Variants in ZMAT4 observed in about 807,000 individuals in gnomAD.
ZMAT4 encodes zinc finger matrin-type 4.
A neutral mutation model predicts 28.7 loss-of-function variants in ZMAT4; 17 were observed. The observed-to-expected ratio is 0.59, with a 90% CI of 0.41 to 0.89. The LOEUF (loss-of-function observed/expected upper bound fraction) is 0.89. Ranked by LOEUF, ZMAT4 falls within the 40% of genes least tolerant of loss-of-function variation. The pLI, the probability that ZMAT4 is intolerant of heterozygous loss-of-function variation, is 0.00. For synonymous variants in ZMAT4, 117 were observed against 109.2 expected (o/e 1.07, Z -0.44); for missense variants, 240 against 283.8 (o/e 0.85, Z 1.11).
At chr8:40,831,283 G>T (rs1218474927) in intron 1 of ZMAT4, among the ~76,000 whole-genome samples, 1 of 152,244 alleles carries the variant, frequency 6.6e-6, no homozygotes, top group East Asian at 1.9e-4. Context: ...ATCTATTTTT[G>T]TTGTCACAAG....
chr8:40,589,766 C>CTTTCTTTCTT (rs1585723646), intron 5 of ZMAT4, among the ~76,000 whole-genome samples: 11 of 134,688 alleles, frequency 8.2e-5, no homozygotes, highest in African/African-American at 2.2e-4. Context: ...CTTTCTTTTT[C>CTTTCTTTCTT]TTTCTTTCTT....
At chr8:40,592,505 C>T (rs1804931538) in intron 5 of ZMAT4, among the ~76,000 whole-genome samples, 1 of 152,164 alleles carries the variant, frequency 6.6e-6, no homozygotes, top group Non-Finnish European at 1.5e-5. Context: ...ATTTCTAAAA[C>T]AATTATTTCT....
At chr8:40,663,719 A>T (rs1013171617) in intron 5 of ZMAT4, among the ~76,000 whole-genome samples, 1 of 152,148 alleles carries the variant, frequency 6.6e-6, no homozygotes, top group African/African-American at 2.4e-5. Context: ...AATAATGCAA[A>T]AATAACCAGG....
intron 2 of ZMAT4, among the ~76,000 whole-genome samples, chr8:40,823,690 T>G (rs762843228): frequency 1.3e-5 from 2 of 151,788 alleles, no homozygotes; most frequent in Non-Finnish European, 2.9e-5. Flanking sequence ...CACATATACA[T>G]ATACACACAC....
At chr8:40,558,939 T>C (rs1585682837) in intron 6 of ZMAT4, among the ~76,000 whole-genome samples, 1 of 152,242 alleles carries the variant, frequency 6.6e-6, no homozygotes, top group Non-Finnish European at 1.5e-5. Context: ...GGCAATAAGA[T>C]ACCAAATCAT....
intron 3 of ZMAT4, among the ~76,000 whole-genome samples, chr8:40,727,614 C>T (rs573731921): frequency 3.9e-5 from 6 of 152,274 alleles, no homozygotes; most frequent in South Asian, 4.1e-4. Flanking sequence ...ATGTCTACTA[C>T]AGAGTGGCAT....
chr8:40,744,915 G>T (rs546834583), intron 3 of ZMAT4, among the ~76,000 whole-genome samples: 2 of 152,344 alleles, frequency 1.3e-5, no homozygotes, highest in African/African-American at 4.8e-5. Context: ...CAGCAAAGAT[G>T]TATAGAGAGG....
At chr8:40,545,708 A>C (rs28653753) in intron 6 of ZMAT4, among the ~76,000 whole-genome samples, 1,764 of 152,230 alleles carry the variant, frequency 0.012, 37 homozygotes, top group African/African-American at 0.038. Flanking sequence ...GCACCTTCAG[A>C]GGGAGCACAA....
At chr8:40,813,668 C>T (rs1292713946) in intron 2 of ZMAT4, among the ~76,000 whole-genome samples, 1 of 152,188 alleles carries the variant, frequency 6.6e-6, no homozygotes, top group Admixed American at 6.5e-5. Flanking sequence ...GTGAGTCAGA[C>T]AAAAGGTATT....
At chr8:40,669,476 C>A (rs1024523003) in intron 5 of ZMAT4, among the ~76,000 whole-genome samples, 1 of 151,718 alleles carries the variant, frequency 6.6e-6, no homozygotes, top group Non-Finnish European at 1.5e-5. Context: ...CCTTTTCCAC[C>A]GCTTTTGCCT....
At position 40,674,454 on chromosome 8, in the gene ZMAT4, A is replaced by G. The variant is rs74731251; in HGVS notation, c.577+250T>C. 2.0e-4 allele frequency: 89 copies of G among 456,126 alleles called. 1 individual carries two copies. The East Asian group carries it at 2.8e-3, about 14-fold the overall frequency. The allele number at this position is 456,126 out of a possible 1,614,324, so 28.3% of individuals were successfully genotyped here. On this transcript the variant is annotated intron_variant, in intron 5 of 6. Transcript: ENST00000297737. Reference sequence around the variant, plus strand: ...AAGCAGAAGGAAAACAATCTGGTTCATGAATGTGCCTTTGGTCTGAAAAGC... The same window carrying G: ...AAGCAGAAGGAAAACAATCTGGTTCGTGAATGTGCCTTTGGTCTGAAAAGC...
At chr8:40,832,411 G>A (rs186047901) in intron 1 of ZMAT4, among the ~76,000 whole-genome samples, 10 of 152,248 alleles carry the variant, frequency 6.6e-5, no homozygotes, top group East Asian at 1.9e-4. Flanking sequence ...CTCACCCTCA[G>A]TAGATCCATG....
chr8:40,655,059 T>TACACAC (rs3038823), intron 5 of ZMAT4, among the ~76,000 whole-genome samples: 2,368 of 148,878 alleles, frequency 0.016, 34 homozygotes, highest in African/African-American at 0.041. Context: ...AAGGAATACC[T>TACACAC]ACACACACAC....
chr8:40,695,590 G>T (rs1809847529), intron 4 of ZMAT4, among the ~76,000 whole-genome samples: 1 of 152,182 alleles, frequency 6.6e-6, no homozygotes, highest in Admixed American at 6.5e-5. Flanking sequence ...AAGCCATTAA[G>T]TAAAGGCTGT....
At chr8:40,729,556 A>G (rs1252325636) in intron 3 of ZMAT4, among the ~76,000 whole-genome samples, 2 of 151,944 alleles carry the variant, frequency 1.3e-5, no homozygotes, top group Non-Finnish European at 2.9e-5. Flanking sequence ...TTTTTAGTTA[A>G]TGCATATTAG....
At chr8:40,846,239 ATC>A (rs754266470) in intron 1 of ZMAT4, among the ~76,000 whole-genome samples, 17 of 151,924 alleles carry the variant, frequency 1.1e-4, no homozygotes, top group African/African-American at 4.1e-4. Flanking sequence ...AACCTTTTAC[ATC>A]TCTCTCTCTC....
intron 1 of ZMAT4, among the ~76,000 whole-genome samples, chr8:40,875,342 G>A (rs34114403): frequency 1.1e-3 from 162 of 152,022 alleles, no homozygotes; most frequent in Non-Finnish European, 2.0e-3. Context: ...CAGGTGTGGT[G>A]ACTGCAGGTT....
intron 3 of ZMAT4, among the ~76,000 whole-genome samples, chr8:40,713,979 A>G (rs954262435): frequency 2.0e-5 from 3 of 151,662 alleles, no homozygotes; most frequent in Admixed American, 6.6e-5. Context: ...AGAAATATAC[A>G]TATCCAATTT....
Position 40,612,810 on chromosome 8 carries a change from TG to T in ZMAT4, c.578-31550del, listed in dbSNP as rs529977120. 4.7e-3 allele frequency among the ~76,000 whole-genome samples: 399 copies of T among 85,342 alleles called. 57 individuals carry two copies. The highest frequency in any genetic ancestry group is 7.9e-3 in the Middle Eastern group (1 of 126). 56.0% of individuals were successfully genotyped at this position (85,342 alleles called of 152,430 possible). ...CAGTCATTCTCTGTATTTTGGTTTTTGTTTTTTTTTTTTTTTTTTGAGACGA... is the reference window on the plus strand; with the variant it reads ...CAGTCATTCTCTGTATTTTGGTTTTTTTTTTTTTTTTTTTTTTTGAGACGA... On this transcript the variant is annotated intron_variant, in intron 5 of 6. Coordinates refer to ENST00000297737, the MANE Select transcript of ZMAT4 (RefSeq NM_024645.3).
Sources: allele counts gnomAD v4.1 joint callset (sites outside exome capture counted in the v4.1 genomes callset), GRCh38; gene constraint gnomAD v4.1.1; transcripts MANE v1.5; gene names NCBI Gene and HGNC (gene_info 2026-07-23, HGNC 2026-07-21).